Variants in ITIH6 observed in about 807,000 individuals in gnomAD.
ITIH6 encodes the protein inter-alpha-trypsin inhibitor heavy chain family member 6, also known as inter-alpha-trypsin inhibitor heavy chain H6.
Under a neutral mutation model 58.2 loss-of-function variants are expected in ITIH6, and 60 were observed. The ratio of observed to expected loss-of-function variants is 1.03; its 90% CI spans 0.84 to 1.28. ITIH6 has a LOEUF of 1.28. Ranked by LOEUF, ITIH6 falls within the 50% of genes most tolerant of loss-of-function variation. The pLI, the probability that ITIH6 is intolerant of heterozygous loss-of-function variation, is 0.00. For synonymous variants in ITIH6, 493 were observed against 417.4 expected (o/e 1.18, Z -2.21); for missense variants, 1,290 against 1,021.1 (o/e 1.26, Z -3.59).
rs778795387 is a variant in ITIH6 at position 54,788,631 on chromosome X, G to A, written c.635C>T (p.Pro212Leu). The change falls in exon 5 of 13, where the codon CCA (proline) becomes CTA (leucine). Residue 212 changes from proline to leucine, a missense_variant. Transcript: ENST00000218436. ...NAHASEVDSPPSTRIERGETC... is the reference protein window; with the variant it reads ...NAHASEVDSPLSTRIERGETC... ...CTCTCCCCTCTCGATCCTGGTGGAT[G>A]GGGGTGAATCCACCTCACCTGTATG... is the stretch of plus-strand genomic sequence containing the variant. 8.3e-7 allele frequency: 1 copy of A among 1,207,468 alleles called. No homozygotes were observed.
At position 54,751,056 on chromosome X, in the gene ITIH6, C is replaced by T; in HGVS notation, c.3677G>A (p.Gly1226Glu). Reference sequence around the variant, plus strand: ...GCCTGAGCCATTGGCCACGTAGAACCCCAGGTGGGGTAGTTGCAGGGTACT... The same window carrying T: ...GCCTGAGCCATTGGCCACGTAGAACTCCAGGTGGGGTAGTTGCAGGGTACT... ...HPSTLQLPHL[G>E]FYVANGSGLS... Residue 1226 changes from glycine (G) to glutamate (E), a missense_variant, in exon 12 of 13, where the codon GGG (glycine) becomes GAG (glutamate). Transcript: ENST00000218436. 1 of 1,190,255 alleles carries T rather than the reference C, an allele frequency of 8.4e-7. No homozygotes were observed. The highest frequency in any genetic ancestry group is 3.0e-5 in the East Asian group (1 of 33,025).
At chrX:54,783,998 G>A (rs1320206275) in intron 5 of ITIH6, among the ~76,000 whole-genome samples, 1 of 111,481 alleles carries the variant, frequency 9.0e-6, no homozygotes, top group African/African-American at 3.3e-5. Flanking sequence ...CACATAGACC[G>A]ATGGAAAGGA....
Position 54,751,320 on chromosome X carries a change from G to T in ITIH6, c.3413C>A (p.Thr1138Asn). The T allele has an allele frequency of 2.5e-6, 3 of 1,212,066 alleles. No homozygotes were observed. The African/African-American group carries it at 5.2e-5, about 21-fold the overall frequency. ...TGTGATGATCTGGAAGTAGGTGCGA[G>T]TCTGGTCCTTGTGGCCCGGCCTTGG... ...APPRPGHKDQTRTYFQIITVT... is the reference protein window; with the variant it reads ...APPRPGHKDQNRTYFQIITVT... Residue 1138 changes from threonine (T) to asparagine (N), a missense_variant, in exon 12 of 13, where the codon ACT (threonine) becomes AAT (asparagine). Coordinates refer to ENST00000218436, the MANE Select transcript of ITIH6 (RefSeq NM_198510.3).
chrX:54,787,017 T>C (rs1929254926), intron 5 of ITIH6, among the ~76,000 whole-genome samples: 1 of 111,057 alleles, frequency 9.0e-6, no homozygotes, highest in African/African-American at 3.3e-5. Flanking sequence ...TCACGGTGCA[T>C]GGGAGTTCCT....
intron 6 of ITIH6, among the ~76,000 whole-genome samples, chrX:54,761,554 G>A (rs1928645762): frequency 9.0e-6 from 1 of 111,201 alleles, no homozygotes; most frequent in African/African-American, 3.3e-5. Flanking sequence ...TTTCTTCTAG[G>A]GTTTTTATGG....
At chrX:54,763,777 CTAAT>C (rs1442684818) in intron 6 of ITIH6, among the ~76,000 whole-genome samples, 3 of 112,165 alleles carry the variant, frequency 2.7e-5, no homozygotes, top group African/African-American at 9.7e-5. Flanking sequence ...GATGAAGTCT[CTAAT>C]TATAATAGTG....
intron 6 of ITIH6, among the ~76,000 whole-genome samples, chrX:54,765,627 C>T (rs1191951520): frequency 1.1e-5 from 1 of 94,865 alleles, no homozygotes; most frequent in African/African-American, 4.0e-5. Context: ...GACGGAGTCT[C>T]GCTCTGTTGC....
chrX:54,753,534 G>T (rs544917298), intron 11 of ITIH6, 117 bp downstream of exon 11: 13 of 487,645 alleles, frequency 2.7e-5, no homozygotes, highest in South Asian at 1.5e-4. Context: ...GTGTGTTACC[G>T]TGTGTTAGTG....
chrX:54,761,303 A>G (rs1209415114), intron 6 of ITIH6, among the ~76,000 whole-genome samples: 9 of 111,474 alleles, frequency 8.1e-5, no homozygotes, highest in Non-Finnish European at 1.7e-4. Context: ...TTTCTTGTAA[A>G]TTTGTTTGAG....
chrX:54,790,741 G>T, intron 4 of ITIH6, 96 bp downstream of exon 4: 1 of 1,055,298 alleles, frequency 9.5e-7, no homozygotes, highest in Non-Finnish European at 1.3e-6. Flanking sequence ...TGAGTACAGA[G>T]CAGAAGTGGC....
At chrX:54,786,493 T>G (rs1031510996) in intron 5 of ITIH6, among the ~76,000 whole-genome samples, 1 of 111,790 alleles carries the variant, frequency 8.9e-6, no homozygotes, top group African/African-American at 3.3e-5. Flanking sequence ...TGTGGCTCTT[T>G]GGGTTTTTCA....
At position 54,748,932 on chromosome X, in the gene ITIH6, AG is replaced by A. The variant is rs1448405304; in HGVS notation, c.*962del. 1 of 110,992 alleles carries A rather than the reference AG, an allele frequency of 9.0e-6. No individual in the cohort carries two copies. The highest frequency in any genetic ancestry group is 1.9e-5 in the Non-Finnish European group (1 of 52,962). 9.1% of individuals were successfully genotyped at this position (110,992 alleles called of 1,213,427 possible). On this transcript the variant is annotated 3_prime_UTR_variant, in exon 13 of 13. Coordinates refer to ENST00000218436, the MANE Select transcript of ITIH6 (RefSeq NM_198510.3). ...GAGAGCATCTGTTCCTTTTTCTCTG[AG>A]TTTATGTCCCTGATTCTGCCACTCT...
At chrX:54,774,901 T>A (rs185582734) in intron 5 of ITIH6, among the ~76,000 whole-genome samples, 23 of 111,814 alleles carry the variant, frequency 2.1e-4, no homozygotes, top group Non-Finnish European at 4.3e-4. Context: ...CAGTCTCAGC[T>A]CAGCTCAGGG....
At chrX:54,764,344 G>T (rs1019017243) in intron 6 of ITIH6, among the ~76,000 whole-genome samples, 1 of 107,026 alleles carries the variant, frequency 9.3e-6, no homozygotes, top group African/African-American at 3.4e-5. Context: ...GTGCCATGCT[G>T]GTGGGCTGCA....
intron 6 of ITIH6, among the ~76,000 whole-genome samples, chrX:54,772,797 G>A (rs1928978801): frequency 1.8e-5 from 2 of 111,963 alleles, no homozygotes; most frequent in African/African-American, 6.5e-5. Context: ...TTTTGACAGG[G>A]TCTTGCTGTG....
intron 6 of ITIH6, among the ~76,000 whole-genome samples, chrX:54,761,573 C>G (rs1422726854): frequency 2.7e-5 from 3 of 111,532 alleles, no homozygotes; most frequent in Non-Finnish European, 5.7e-5. Flanking sequence ...GGTTTTAGGT[C>G]TAACATTTAA....
intron 6 of ITIH6, among the ~76,000 whole-genome samples, chrX:54,764,365 C>G (rs974854868): frequency 9.3e-6 from 1 of 107,932 alleles, no homozygotes; most frequent in Non-Finnish European, 1.9e-5. Flanking sequence ...CCCACTAACT[C>G]GTCATCTAGT....
At chrX:54,791,263 C>T (rs1929343924) in intron 3 of ITIH6, among the ~76,000 whole-genome samples, 179 bp from the exon 4 acceptor site, 1 of 108,963 alleles carries the variant, frequency 9.2e-6, no homozygotes, top group African/African-American at 3.4e-5. Flanking sequence ...ATCAGTCTCT[C>T]TCTCCCTCCC....
intron 2 of ITIH6, among the ~76,000 whole-genome samples, chrX:54,793,367 G>A (rs780666745): frequency 5.4e-5 from 6 of 111,167 alleles, no homozygotes; most frequent in South Asian, 3.8e-4. Flanking sequence ...ATGTTCCATA[G>A]ACACCTCAAG....
Sources: gnomAD v4.1 joint callset for allele counts (sites outside exome capture counted in the v4.1 genomes callset) on GRCh38, gnomAD v4.1.1 for gene constraint, MANE v1.5 for transcripts, NCBI Gene and HGNC (gene_info 2026-07-23, HGNC 2026-07-21) for gene names.